DAPK1: variants seen among roughly 807,000 people sequenced by gnomAD.
DAPK1 encodes the protein death associated protein kinase 1, also known as death-associated protein kinase 1.
Under a neutral mutation model 144.9 loss-of-function variants are expected in DAPK1, and 56 were observed. That is an observed-to-expected ratio of 0.39 (90% CI 0.31 to 0.48). The LOEUF (loss-of-function observed/expected upper bound fraction) is 0.48. DAPK1 is among the 20% of genes least tolerant of loss of function. The pLI, the probability that DAPK1 is intolerant of heterozygous loss-of-function variation, is 0.95. For synonymous variants in DAPK1, 690 were observed against 749.0 expected, an observed-to-expected ratio of 0.92 and a Z score of 1.29; for missense variants, 1,454 against 1,875.4, an observed-to-expected ratio of 0.78 and a Z score of 4.15.
At chr9:87,650,299 T>C in intron 16 of DAPK1, 181 bp downstream of exon 16, 1 of 594,042 alleles carries the variant, frequency 1.7e-6, no homozygotes. Flanking sequence ...TAATAGTTAA[T>C]ATTAATTTAT....
chr9:87,576,312 A>G (rs758895567), intron 2 of DAPK1, among the ~76,000 whole-genome samples: 3 of 152,262 alleles, frequency 2.0e-5, no homozygotes, highest in Non-Finnish European at 4.4e-5. Flanking sequence ...GCTAATAATT[A>G]TAAGAATAAA....
At chr9:87,704,480 C>T (rs1289605747) in intron 25 of DAPK1, among the ~76,000 whole-genome samples, 2 of 152,158 alleles carry the variant, frequency 1.3e-5, no homozygotes, top group East Asian at 1.9e-4. Context: ...GGCCCCGGGC[C>T]TCCTCCAGAC....
chr9:87,498,873 C>T (rs139845090), intron 1 of DAPK1, 97 bp from the exon 2 acceptor site: 99 of 523,148 alleles, frequency 1.9e-4, no homozygotes, highest in African/African-American at 1.6e-3. Context: ...TCCGGAGACC[C>T]GGTCTTCAGC....
chr9:87,531,248 T>G (rs1825689994), intron 2 of DAPK1, among the ~76,000 whole-genome samples: 1 of 152,216 alleles, frequency 6.6e-6, no homozygotes, highest in South Asian at 2.1e-4. Flanking sequence ...AGGGCTGGTC[T>G]ATCCATACCC....
At chr9:87,689,120 A>G (rs1824965734) in intron 21 of DAPK1, among the ~76,000 whole-genome samples, 1 of 152,094 alleles carries the variant, frequency 6.6e-6, no homozygotes, top group African/African-American at 2.4e-5. Flanking sequence ...TATATGGTGA[A>G]AGGTGGGAAT....
intron 3 of DAPK1, among the ~76,000 whole-genome samples, chr9:87,626,687 C>A (rs193169135): frequency 6.6e-6 from 1 of 152,274 alleles, no homozygotes; most frequent in Non-Finnish European, 1.5e-5. Flanking sequence ...ATGTAAAGAC[C>A]ATCAGTTAGG....
intron 2 of DAPK1, among the ~76,000 whole-genome samples, chr9:87,602,025 G>C (rs1431249619): frequency 6.6e-6 from 1 of 152,188 alleles, no homozygotes; most frequent in Middle Eastern, 3.2e-3. Context: ...GGCAGTCTGG[G>C]AGGGTGGGAA....
chr9:87,662,559 A>ATTTTTTT (rs1830886898), intron 18 of DAPK1, among the ~76,000 whole-genome samples: 1 of 25,558 alleles, frequency 3.9e-5, no homozygotes, highest in African/African-American at 9.5e-5. Context: ...ATATATTCCT[A>ATTTTTTT]GTTTTTTTTT....
chr9:87,500,588 T>C (rs1233027977), intron 2 of DAPK1, among the ~76,000 whole-genome samples: 1 of 152,242 alleles, frequency 6.6e-6, no homozygotes, highest in African/African-American at 2.4e-5. Flanking sequence ...GAGATTATTA[T>C]ATTATGGATT....
chr9:87,699,362 T>C (rs1408662851), intron 23 of DAPK1, among the ~76,000 whole-genome samples: 1 of 152,178 alleles, frequency 6.6e-6, no homozygotes, highest in African/African-American at 2.4e-5. Flanking sequence ...ACAATATAAG[T>C]TGCAACCTAC....
At chr9:87,564,521 A>C (rs965695058) in intron 2 of DAPK1, among the ~76,000 whole-genome samples, 4 of 145,602 alleles carry the variant, frequency 2.7e-5, no homozygotes, top group Non-Finnish European at 1.5e-5. Context: ...CCATGTCACC[A>C]GCATCTGGTT....
intron 2 of DAPK1, among the ~76,000 whole-genome samples, chr9:87,571,494 C>CA (rs1554684264): frequency 0.2 from 6,904 of 34,530 alleles, 1,285 homozygotes; most frequent in East Asian, 0.34. Flanking sequence ...CACACACACA[C>CA]CCCAACACAC....
At position 87,686,778 on chromosome 9, in the gene DAPK1, C is replaced by CGAAGGGAAGGA. The variant is rs773209617; in HGVS notation, c.2413+39_2413+40insGAAGGGAAGGA. 2.0e-6 allele frequency: 3 copies of CGAAGGGAAGGA among 1,513,030 alleles called. No homozygotes were observed. In the East Asian group the frequency reaches 6.9e-5, roughly 35 times the overall value. 93.7% of individuals were successfully genotyped at this position (1,513,030 alleles called of 1,614,324 possible). A position where few individuals can be genotyped will look rare whatever the true frequency, so the allele number is the denominator to read the frequency against. ...GCCCCAAGGGAAGGACCTCAGGTTT[C>CGAAGGGAAGGA]CCTTCAACAGGGTTGTAAGTCATCC... On this transcript the variant is annotated intron_variant, in intron 21 of 25. Coordinates refer to ENST00000408954, the MANE Select transcript of DAPK1 (RefSeq NM_004938.4). This position sits in a 1 kb window ranked among gnomAD's most constrained non-coding sequence, Gnocchi z 4.2.
At chr9:87,579,567 A>G (rs908200860) in intron 2 of DAPK1, among the ~76,000 whole-genome samples, 5 of 152,174 alleles carry the variant, frequency 3.3e-5, no homozygotes, top group Non-Finnish European at 5.9e-5. Context: ...CGTTGGGAAT[A>G]ATAGCAGAGG....
chr9:87,643,194 A>G (rs1830154140), intron 10 of DAPK1, among the ~76,000 whole-genome samples, 182 bp from the exon 11 acceptor site: 1 of 152,122 alleles, frequency 6.6e-6, no homozygotes, highest in Non-Finnish European at 1.5e-5. Context: ...AAGCAAATAC[A>G]ACCCATTCTG....
intron 17 of DAPK1, among the ~76,000 whole-genome samples, chr9:87,656,500 A>G (rs1182165172): frequency 1.3e-5 from 2 of 152,252 alleles, no homozygotes; most frequent in African/African-American, 2.4e-5. Flanking sequence ...CCAGTCTTCA[A>G]AACTTTCCCT....
In DAPK1 at chr9:87,637,928, C is replaced by T; in HGVS notation, c.285-15C>T. On this transcript the variant is annotated splice_polypyrimidine_tract_variant and intron_variant, in intron 3 of 25. Coordinates refer to ENST00000408954, the MANE Select transcript of DAPK1 (RefSeq NM_004938.4). ...ACAGAGTTGTTACCAATAACCTCTG[C>T]TTCCGGGTTCTCAGCGTTGCAGGTG... is the stretch of plus-strand genomic sequence containing the variant. 1.9e-6 allele frequency: 3 copies of T among 1,612,306 alleles called. No homozygotes were observed. Among genetic ancestry groups the T allele is most frequent in the South Asian group, 1.1e-5 (1 of 90,922 alleles).
At chr9:87,543,554 A>G (rs1386404015) in intron 2 of DAPK1, among the ~76,000 whole-genome samples, 1 of 152,240 alleles carries the variant, frequency 6.6e-6, no homozygotes, top group Non-Finnish European at 1.5e-5. Context: ...CATTTCATGG[A>G]ACCTTCTGCA....
chr9:87,626,340 G>A (rs927307326), intron 3 of DAPK1, among the ~76,000 whole-genome samples: 1 of 152,138 alleles, frequency 6.6e-6, no homozygotes, highest in Non-Finnish European at 1.5e-5. Flanking sequence ...ACTTGAACCC[G>A]GAAGGTGGAG....
Sources: gnomAD v4.1 joint callset for allele counts (sites outside exome capture counted in the v4.1 genomes callset) on GRCh38, gnomAD v4.1.1 for gene constraint, Gnocchi (gnomAD v3.1) non-coding constraint, MANE v1.5 for transcripts, NCBI Gene and HGNC (gene_info 2026-07-23, HGNC 2026-07-21) for gene names.